Variants in LARS2 observed in about 807,000 individuals in gnomAD.
LARS2 encodes leucine--tRNA ligase, mitochondrial.
Under a neutral mutation model 116.6 loss-of-function variants are expected in LARS2, and 81 were observed. The ratio of observed to expected loss-of-function variants is 0.69; its 90% CI spans 0.58 to 0.84. The LOEUF (loss-of-function observed/expected upper bound fraction) is 0.84, where lower values mean the gene tolerates loss of function less well. Among genes scored for constraint, LARS2 ranks in the 40% least tolerant of loss-of-function variants. The pLI is 0.00. For synonymous variants in LARS2, 396 were observed against 407.2 expected, an observed-to-expected ratio of 0.97 and a Z score of 0.33; for missense variants, 968 against 1,114.5, an observed-to-expected ratio of 0.87 and a Z score of 1.87.
intron 21 of LARS2, 106 bp downstream of exon 21, chr3:45,542,062 A>C: frequency 7.0e-7 from 1 of 1,423,076 alleles, no homozygotes; most frequent in East Asian, 2.3e-5. Context: ...TTTCTAGCTC[A>C]CTCAGCTCAG....
At chr3:45,432,168 G>A (rs561240297) in intron 6 of LARS2, among the ~76,000 whole-genome samples, 1 of 152,200 alleles carries the variant, frequency 6.6e-6, no homozygotes, top group South Asian at 2.1e-4. Context: ...AATCAAAAAT[G>A]GACAGAATTG....
At chr3:45,422,782 T>TA (rs1698535902) in intron 6 of LARS2, among the ~76,000 whole-genome samples, 1 of 152,168 alleles carries the variant, frequency 6.6e-6, no homozygotes, top group Non-Finnish European at 1.5e-5. Context: ...TGTTGTTTAT[T>TA]AAAAAAATAA....
At chr3:45,401,223 C>A (rs1426231054) in intron 4 of LARS2, among the ~76,000 whole-genome samples, 3 of 152,128 alleles carry the variant, frequency 2.0e-5, no homozygotes, top group Admixed American at 6.5e-5. Context: ...AACATCTGGT[C>A]TGGGCACCTG....
chr3:45,425,568 C>T (rs1698580405), intron 6 of LARS2, among the ~76,000 whole-genome samples: 1 of 152,132 alleles, frequency 6.6e-6, no homozygotes, highest in South Asian at 2.1e-4. Flanking sequence ...GACTTCAGGC[C>T]CTTCCAAGTT....
chr3:45,415,161 T>A (rs1358899837), intron 4 of LARS2, among the ~76,000 whole-genome samples: 1 of 152,204 alleles, frequency 6.6e-6, no homozygotes, highest in African/African-American at 2.4e-5. Context: ...TAATTGCTTC[T>A]AGACTCCTCA....
intron 14 of LARS2, 39 bp from the exon 15 acceptor site, chr3:45,500,403 A>G: frequency 6.3e-7 from 1 of 1,592,928 alleles, no homozygotes; most frequent in Non-Finnish European, 8.5e-7. Flanking sequence ...AATTGTGGCA[A>G]AGCAGGTTTT....
chr3:45,425,983 T>C (rs9818435), intron 6 of LARS2, among the ~76,000 whole-genome samples: 131,965 of 150,214 alleles, frequency 0.88, 60,519 homozygotes, highest in East Asian at 1. Context: ...CTCTTCCCAC[T>C]GTCATGTTGT....
At chr3:45,414,764 C>G (rs941309082) in intron 4 of LARS2, among the ~76,000 whole-genome samples, 2 of 151,840 alleles carry the variant, frequency 1.3e-5, no homozygotes, top group Non-Finnish European at 2.9e-5. Flanking sequence ...TAAAACTTAC[C>G]CCAGGTTGAC....
intron 6 of LARS2, among the ~76,000 whole-genome samples, chr3:45,427,507 G>A (rs1698613747): frequency 6.6e-6 from 1 of 152,106 alleles, no homozygotes; most frequent in African/African-American, 2.4e-5. Context: ...TCTGACATAA[G>A]GTAGAACATG....
rs1241694718 is a variant in LARS2 at position 45,484,640 on chromosome 3, T to TATATATATATATATATATATATATAC, written c.1019-1044_1019-1043insATATATATATATATATACATATATAT. ...AAAAAAAAAAAAAAAAATATATATA[T>TATATATATATATATATATATATATAC]ATATATATTTAAAATAAGATGTTAT... On this transcript the variant is annotated intron_variant, in intron 10 of 21. Coordinates refer to ENST00000645846, the MANE Select transcript of LARS2 (RefSeq NM_015340.4). 1.1e-3 allele frequency among the ~76,000 whole-genome samples: 89 copies of TATATATATATATATATATATATATAC among 83,046 alleles called. 1 individual carries two copies. Among genetic ancestry groups the TATATATATATATATATATATATATAC allele is most frequent in the Non-Finnish European group, 1.7e-3 (71 of 41,334 alleles). The allele number at this position is 83,046 out of a possible 152,430, so 54.5% of individuals were successfully genotyped here.
At chr3:45,546,117 C>G (rs1261780414) in intron 21 of LARS2, among the ~76,000 whole-genome samples, 1 of 152,210 alleles carries the variant, frequency 6.6e-6, no homozygotes, top group Admixed American at 6.5e-5. Flanking sequence ...CTGGGCTGCT[C>G]TTCCATAGGA....
intron 13 of LARS2, among the ~76,000 whole-genome samples, chr3:45,493,931 A>G (rs1047621960): frequency 6.6e-6 from 1 of 152,158 alleles, no homozygotes; most frequent in Non-Finnish European, 1.5e-5. Flanking sequence ...TCACTTGCAC[A>G]AGGTAAGTGA....
rs1197861512 is a variant in LARS2 at position 45,500,500 on chromosome 3, A to G, written c.1681A>G (p.Lys561Glu). 1 of 1,601,826 alleles carries G rather than the reference A, an allele frequency of 6.2e-7. No individual in the cohort carries two copies. The highest frequency in any genetic ancestry group is 1.8e-5 in the Admixed American group (1 of 57,094). Residue 561 changes from lysine (K) to glutamate (E), a missense_variant, in exon 15 of 22, where the codon AAA (lysine) becomes GAA (glutamate). Transcript: ENST00000645846. ...WMPVDLYIGG[K>E]EHAVMHLFYA... ...GCCTGTGGATTTGTACATTGGAGGG[A>G]AAGAACATGCCGTCATGCACTTGTT... is the stretch of plus-strand genomic sequence containing the variant.
At chr3:45,499,488 G>T (rs982557616) in intron 14 of LARS2, among the ~76,000 whole-genome samples, 9 of 152,054 alleles carry the variant, frequency 5.9e-5, no homozygotes, top group African/African-American at 2.2e-4. Context: ...TGGGCAGAGT[G>T]GTGTGTGTCT....
At chr3:45,418,955 A>G (rs1263310209) in intron 5 of LARS2, among the ~76,000 whole-genome samples, 1 of 152,258 alleles carries the variant, frequency 6.6e-6, no homozygotes, top group Non-Finnish European at 1.5e-5. Flanking sequence ...ACTTCTCTGC[A>G]AAGTGCTTAG....
chr3:45,434,726 A>G (rs750982170), intron 6 of LARS2, among the ~76,000 whole-genome samples: 86 of 152,200 alleles, frequency 5.7e-4, no homozygotes, highest in Non-Finnish European at 1.1e-3. Flanking sequence ...CTCCTCTGAT[A>G]TTGCTATGGC....
intron 4 of LARS2, among the ~76,000 whole-genome samples, chr3:45,404,035 C>T (rs1698196195): frequency 6.6e-6 from 1 of 152,076 alleles, no homozygotes; most frequent in African/African-American, 2.4e-5. Flanking sequence ...GATCTTATTC[C>T]TCAGAGCTGC....
At chr3:45,543,001 C>G (rs1700820710) in intron 21 of LARS2, among the ~76,000 whole-genome samples, 1 of 152,278 alleles carries the variant, frequency 6.6e-6, no homozygotes, top group African/African-American at 2.4e-5. Context: ...CAGCCAGGCC[C>G]TGGCCCCTCT....
At chr3:45,522,196 G>A (rs1700465878) in intron 19 of LARS2, among the ~76,000 whole-genome samples, 1 of 152,206 alleles carries the variant, frequency 6.6e-6, no homozygotes, top group African/African-American at 2.4e-5. Flanking sequence ...TGTGGTTGGT[G>A]TAACCTTGCC....
Sources: gnomAD v4.1 joint callset for allele counts (sites outside exome capture counted in the v4.1 genomes callset) on GRCh38, gnomAD v4.1.1 for gene constraint, MANE v1.5 for transcripts, NCBI Gene and HGNC (gene_info 2026-07-23, HGNC 2026-07-21) for gene names.